Variants in MACF1 observed in about 807,000 individuals in gnomAD.
MACF1 encodes microtubule-actin cross-linking factor 1.
MACF1 carries 193 observed loss-of-function variants against 854.8 expected under a neutral mutation model. The observed-to-expected ratio is 0.23, with a 90% CI of 0.20 to 0.25. MACF1 has a LOEUF of 0.25. MACF1 is among the 10% of genes least tolerant of loss of function. The pLI is 1.00. For missense variants in MACF1, 7,722 were observed against 8,929.1 expected, an observed-to-expected ratio of 0.86 and a Z score of 5.45; for synonymous variants, 3,185 against 3,226.7, an observed-to-expected ratio of 0.99 and a Z score of 0.44.
intron 2 of MACF1, among the ~76,000 whole-genome samples, chr1:39,237,552 GT>G (rs1644873355): frequency 6.6e-6 from 1 of 152,158 alleles, no homozygotes; most frequent in Admixed American, 6.5e-5. Flanking sequence ...AAGTAAAGGT[GT>G]TTTATCCCCT....
rs1195901050 is a variant in MACF1, at chr1:39,333,646, G to T, written c.7058G>T (p.Gly2353Val). ...SLTTEEVINEGLMDEKLLHNV... is the reference protein window; with the variant it reads ...SLTTEEVINEVLMDEKLLHNV... ...ACAACTGAAGAAGTCATTAATGAAGGTCTGATGGATGAGAAATTATTACAT... is the reference window on the plus strand; with the variant it reads ...ACAACTGAAGAAGTCATTAATGAAGTTCTGATGGATGAGAAATTATTACAT... Residue 2353 changes from glycine (G) to valine (V), a missense_variant, in exon 37 of 101, where the codon GGT (glycine) becomes GTT (valine). Coordinates refer to ENST00000564288, the MANE Select transcript of MACF1 (RefSeq NM_001394062.1). 1 of 1,614,210 alleles carries T rather than the reference G, an allele frequency of 6.2e-7. No individual in the cohort carries two copies.
In MACF1 at chr1:39,176,109, C is replaced by CAAAAAAAAAAAAAAAA. The variant is rs773763271; in HGVS notation, c.221-55070_221-55055dup. ...TGGGCGACAGAGCGAGACTCCTTCT[C>CAAAAAAAAAAAAAAAA]AAAAAAAAAAAAAAAAAAGCCAGGT... On this transcript the variant is annotated intron_variant, in intron 2 of 93. Transcript: ENST00000361689. 1.9e-3 allele frequency among the ~76,000 whole-genome samples: 26 copies of CAAAAAAAAAAAAAAAA among 13,346 alleles called. 7 individuals are homozygous for CAAAAAAAAAAAAAAAA. Among genetic ancestry groups the CAAAAAAAAAAAAAAAA allele is most frequent in the Non-Finnish European group, 5.1e-3 (18 of 3,534 alleles). 8.8% of individuals were successfully genotyped at this position (13,346 alleles called of 152,430 possible). A position where few individuals can be genotyped will look rare whatever the true frequency, so the allele number is the denominator to read the frequency against.
At chr1:39,143,836 G>A (rs1308435939) in intron 2 of MACF1, among the ~76,000 whole-genome samples, 6 of 151,118 alleles carry the variant, frequency 4.0e-5, no homozygotes, top group African/African-American at 9.7e-5. Flanking sequence ...GTGCAGTGGC[G>A]CGATCTTCAC....
rs1393745497 is a variant in MACF1 at position 39,409,171 on chromosome 1, A to G, written c.15817-13203A>G. Among the ~76,000 whole-genome samples the G allele has an allele frequency of 6.6e-6, 1 of 151,884 alleles. No individual in the cohort carries two copies. Among genetic ancestry groups the G allele is most frequent in the East Asian group, 1.9e-4 (1 of 5,130 alleles). On this transcript the variant is annotated intron_variant, in intron 58 of 100. Transcript: ENST00000564288. This position sits in a 1 kb window ranked among gnomAD's most constrained non-coding sequence, Gnocchi z 4.2. The stretch of plus-strand genomic sequence containing the variant: ...CTAGCGGAGCCTTTTGTTCCCAGCC[A>G]GAAGTTTGCATGCCGGGACCGTGAC...
At chr1:39,125,767 G>A (rs917450466) in intron 2 of MACF1, among the ~76,000 whole-genome samples, 8 of 152,164 alleles carry the variant, frequency 5.3e-5, no homozygotes, top group Admixed American at 2.6e-4. Context: ...CTAGGTGGGC[G>A]GATCGCCTGA....
At chr1:39,464,899 G>C (rs1387022995) in intron 94 of MACF1, 196 bp from the exon 95 acceptor site, 1 of 533,972 alleles carries the variant, frequency 1.9e-6, no homozygotes, top group Non-Finnish European at 3.3e-6. Flanking sequence ...GGGCAACAGA[G>C]CGAGACTCTC....
chr1:39,436,568 C>T lies in MACF1; in HGVS notation c.17988+807C>T, dbSNP rs534936997. On this transcript the variant is annotated intron_variant, in intron 70 of 100. Transcript: ENST00000564288. ...GAGGTCATTACCTGTAAGGGAATTT[C>T]CCTTAACTTTAGTGGAATAAATTTA... is the stretch of plus-strand genomic sequence containing the variant. The T allele has an allele frequency of 5.2e-6, 7 of 1,354,690 alleles. No individual in the cohort carries two copies. In the Admixed American group the frequency reaches 1.0e-4, roughly 20 times the overall value. 83.9% of individuals were successfully genotyped at this position (1,354,690 alleles called of 1,614,324 possible).
At chr1:39,355,783 C>T (rs543372948) in intron 44 of MACF1, among the ~76,000 whole-genome samples, 7 of 152,130 alleles carry the variant, frequency 4.6e-5, no homozygotes, top group South Asian at 2.1e-4. Context: ...TTTTTAAAGA[C>T]ATGAGGCCTC....
intron 2 of MACF1, among the ~76,000 whole-genome samples, chr1:39,158,118 T>G (rs1450513979): frequency 6.6e-6 from 1 of 152,166 alleles, no homozygotes; most frequent in Non-Finnish European, 1.5e-5. Context: ...ATTGGGATGG[T>G]CATCTTTTTG....
At position 39,169,290 on chromosome 1, in the gene MACF1, A is replaced by G. The variant is rs553321442; in HGVS notation, c.221-61892A>G. 2.0e-3 allele frequency among the ~76,000 whole-genome samples: 305 copies of G among 152,282 alleles called. 2 individuals are homozygous for G. The highest frequency in any genetic ancestry group is 7.1e-3 in the African/African-American group (295 of 41,566). On this transcript the variant is annotated intron_variant, in intron 2 of 93. Transcript: ENST00000361689. Reference sequence around the variant, plus strand: ...TAGTATTTCCTATTACTGAAAGTCTAAATTTGTTACAAAGACCTTTTATGG... The same window carrying G: ...TAGTATTTCCTATTACTGAAAGTCTGAATTTGTTACAAAGACCTTTTATGG...
At chr1:39,132,680 AT>A (rs1048332480) in intron 2 of MACF1, among the ~76,000 whole-genome samples, 5 of 151,670 alleles carry the variant, frequency 3.3e-5, no homozygotes, top group South Asian at 2.1e-4. Context: ...AGAAATGGAT[AT>A]TTTTTTTCAT....
At chr1:39,464,975 T>TA in intron 94 of MACF1, 120 bp from the exon 95 acceptor site, 1 of 867,836 alleles carries the variant, frequency 1.2e-6, no homozygotes, top group Non-Finnish European at 1.9e-6. Flanking sequence ...ATGTTCAGTG[T>TA]GTGTCACTTT....
rs574586004 is a variant in MACF1, at chr1:39,288,667, G to A, written c.1785+1105G>A. The stretch of plus-strand genomic sequence containing the variant: ...CTAACCGGGAATGATGGCGCGCACC[G>A]GTGGTCCCAGCTACTTGGGAGGCTG... On this transcript the variant is annotated intron_variant, in intron 15 of 100. Transcript: ENST00000564288. Among the ~76,000 whole-genome samples the A allele has an allele frequency of 4.0e-5, 6 of 150,216 alleles. No individual in the cohort carries two copies. In the South Asian group the frequency reaches 8.5e-4, roughly 21 times the overall value.
intron 2 of MACF1, among the ~76,000 whole-genome samples, chr1:39,157,079 C>T (rs574777228): frequency 2.0e-4 from 31 of 152,064 alleles, no homozygotes; most frequent in Middle Eastern, 3.4e-3. Context: ...AAGTGATCCT[C>T]CCACCTTAGC....
intron 58 of MACF1, among the ~76,000 whole-genome samples, chr1:39,398,214 C>T (rs1346332439): frequency 6.6e-6 from 1 of 151,450 alleles, no homozygotes; most frequent in Non-Finnish European, 1.5e-5. Context: ...TCATGGCTCA[C>T]TGCAGCCTCG....
At position 39,429,569 on chromosome 1, in the gene MACF1, A is replaced by C. The variant is rs77678615; in HGVS notation, c.16888+243A>C. The stretch of plus-strand genomic sequence containing the variant: ...CTCCTTCAGTATCTTGAATGCCAAC[A>C]TGCACTGAAAGGTGCTGGAAACATC... On this transcript the variant is annotated intron_variant, in intron 64 of 100. Coordinates refer to ENST00000564288, the MANE Select transcript of MACF1 (RefSeq NM_001394062.1). 5.9e-5 allele frequency among the ~76,000 whole-genome samples: 9 copies of C among 152,286 alleles called. No individual in the cohort carries two copies. The East Asian group carries it at 1.7e-3, about 29-fold the overall frequency.
At chr1:39,138,198 T>C (rs1451541789) in intron 2 of MACF1, among the ~76,000 whole-genome samples, 1 of 152,056 alleles carries the variant, frequency 6.6e-6, no homozygotes, top group Non-Finnish European at 1.5e-5. Context: ...AATACTTTCT[T>C]GTACAAAAAC....
At chr1:39,276,399 C>G (rs908336461) in intron 6 of MACF1, among the ~76,000 whole-genome samples, 1 of 152,122 alleles carries the variant, frequency 6.6e-6, no homozygotes, top group Non-Finnish European at 1.5e-5. Context: ...GATACCAAGT[C>G]GAAACTCCTC....
chr1:39,475,177 T>C (rs543076426), intron 97 of MACF1, among the ~76,000 whole-genome samples: 1 of 152,158 alleles, frequency 6.6e-6, no homozygotes, highest in Admixed American at 6.5e-5. Context: ...CAGGGAAATA[T>C]AGAGGACCAA....
Sources: gnomAD v4.1 joint callset for allele counts (sites outside exome capture counted in the v4.1 genomes callset) on GRCh38, gnomAD v4.1.1 for gene constraint, Gnocchi (gnomAD v3.1) non-coding constraint, MANE v1.5 for transcripts, NCBI Gene and HGNC (gene_info 2026-07-23, HGNC 2026-07-21) for gene names.